Variants in JPH2 observed in about 807,000 individuals in gnomAD.
The protein encoded by JPH2 is junctophilin 2.
Under a neutral mutation model 55.9 loss-of-function variants are expected in JPH2, and 38 were observed. That is an observed-to-expected ratio of 0.68 (90% CI 0.52 to 0.89). The LOEUF is 0.89. Among genes scored for constraint, JPH2 ranks in the 40% least tolerant of loss-of-function variants. JPH2 has a pLI of 0.00. For synonymous variants in JPH2, 480 were observed against 472.4 expected (o/e 1.02, Z -0.21); for missense variants, 964 against 1,037.6 (o/e 0.93, Z 0.97).
intron 1 of JPH2, among the ~76,000 whole-genome samples, chr20:44,178,489 A>C (rs6073360): frequency 0.21 from 32,659 of 152,186 alleles, 4,325 homozygotes; most frequent in African/African-American, 0.37. Context: ...TGGAAGCCTC[A>C]CTGCTAATAA....
chr20:44,113,008 T>C lies in JPH2; in HGVS notation c.*510A>G, dbSNP rs2072157747. On this transcript the variant is annotated 3_prime_UTR_variant, in exon 6 of 6. Transcript: ENST00000372980. Reference sequence around the variant, plus strand: ...GGTGCAGACTGCACAAGGACAGGTCTCTGTGCTGGTCTGAGGGGGTCTCAA... The same window carrying C: ...GGTGCAGACTGCACAAGGACAGGTCCCTGTGCTGGTCTGAGGGGGTCTCAA... 1 of 152,090 alleles carries C rather than the reference T, an allele frequency of 6.6e-6. No individual in the cohort carries two copies. The highest frequency in any genetic ancestry group is 2.1e-4 in the South Asian group (1 of 4,828). 9.4% of individuals were successfully genotyped at this position (152,090 alleles called of 1,614,324 possible).
At chr20:44,165,040 G>A (rs923438412) in intron 1 of JPH2, among the ~76,000 whole-genome samples, 2 of 152,056 alleles carry the variant, frequency 1.3e-5, no homozygotes, top group Non-Finnish European at 2.9e-5. Flanking sequence ...GTTTCATCAT[G>A]TTGGCCAGGC....
chr20:44,130,105 T>A (rs1037117396), intron 2 of JPH2, among the ~76,000 whole-genome samples: 5 of 152,222 alleles, frequency 3.3e-5, no homozygotes, highest in Admixed American at 3.3e-4. Flanking sequence ...TGTGATCTCA[T>A]GTCATCCTCA....
Position 44,114,561 on chromosome 20 carries a change from AGTAAGTGTGTGTGTGTGT to A in JPH2, c.*14+203_*14+220del, listed in dbSNP as rs2072171680. On this transcript the variant is annotated intron_variant, in intron 5 of 5. Transcript: ENST00000372980. ...TGCTCTGCAAACACTAAGCTAATGA[AGTAAGTGTGTGTGTGTGT>A]GTGTGTGTGTGTGTGTGTGTGTGTG... Among the ~76,000 whole-genome samples the A allele has an allele frequency of 2.3e-5, 3 of 132,408 alleles. No individual in the cohort carries two copies. In the South Asian group the frequency reaches 8.1e-4, roughly 36 times the overall value. The allele number at this position is 132,408 out of a possible 152,430, so 86.9% of individuals were successfully genotyped here.
intron 1 of JPH2, among the ~76,000 whole-genome samples, chr20:44,178,460 A>G (rs1315976686): frequency 6.6e-6 from 1 of 152,246 alleles, no homozygotes; most frequent in African/African-American, 2.4e-5. Flanking sequence ...AAATAGGGAT[A>G]TATACCATGT....
chr20:44,142,528 C>T (rs995656316), intron 2 of JPH2, among the ~76,000 whole-genome samples: 7 of 152,174 alleles, frequency 4.6e-5, no homozygotes, highest in African/African-American at 7.2e-5. Flanking sequence ...CTCCCTCTCC[C>T]GGGCAGCTCC....
intron 2 of JPH2, among the ~76,000 whole-genome samples, chr20:44,147,383 T>C (rs1262941474): frequency 6.6e-6 from 1 of 152,222 alleles, no homozygotes; most frequent in African/African-American, 2.4e-5. Context: ...CAATGAATCA[T>C]GGTACCTCCA....
At chr20:44,169,137 A>G (rs1356535587) in intron 1 of JPH2, among the ~76,000 whole-genome samples, 2 of 151,196 alleles carry the variant, frequency 1.3e-5, no homozygotes, top group Non-Finnish European at 2.9e-5. Context: ...TTAATCAAAT[A>G]AACCTTTTTT....
intron 1 of JPH2, chr20:44,177,738 AGTCTT>A (rs1178356116): frequency 7.1e-6 from 10 of 1,404,360 alleles, no homozygotes; most frequent in Non-Finnish European, 9.3e-6. Flanking sequence ...AGCGAATCAA[AGTCTT>A]GTCTTATTTA....
intron 1 of JPH2, among the ~76,000 whole-genome samples, chr20:44,184,868 T>A (rs567162372): frequency 2.6e-5 from 4 of 152,368 alleles, no homozygotes; most frequent in African/African-American, 9.6e-5. Context: ...TAAATTCTCC[T>A]TTCTGCAACA....
chr20:44,127,216 A>C (rs1390126462), intron 2 of JPH2, among the ~76,000 whole-genome samples: 1 of 152,222 alleles, frequency 6.6e-6, no homozygotes, highest in Non-Finnish European at 1.5e-5. Context: ...TAGTTGATGG[A>C]CATTAGGGTG....
At chr20:44,167,614 G>A (rs1344099380) in intron 1 of JPH2, among the ~76,000 whole-genome samples, 3 of 152,122 alleles carry the variant, frequency 2.0e-5, no homozygotes, top group Non-Finnish European at 4.4e-5. Flanking sequence ...TAGGACTCCC[G>A]AAATTAATAA....
intron 2 of JPH2, among the ~76,000 whole-genome samples, chr20:44,134,796 A>G (rs1474616626): frequency 1.0e-5 from 1 of 97,212 alleles, no homozygotes; most frequent in Non-Finnish European, 1.9e-5. Flanking sequence ...ATAAATATAC[A>G]TTTATTATAA....
Position 44,160,165 on chromosome 20 carries a change from C to T in JPH2, c.622G>A (p.Ala208Thr), listed in dbSNP as rs1297871218. 5.6e-6 allele frequency: 8 copies of T among 1,424,992 alleles called. No individual in the cohort carries two copies. Among genetic ancestry groups the T allele is most frequent in the Non-Finnish European group, 7.3e-6 (8 of 1,099,504 alleles). 88.3% of individuals were successfully genotyped at this position (1,424,992 alleles called of 1,614,324 possible). ...GGFALSLLAN[A>T]EAAARAPKGG... is the part of the protein sequence containing the mutation. ...TTGGGCGCCCGCGCGGCCGCCTCGG[C>T]ATTGGCCAGGAGGCTGAGCGCGAAG... Residue 208 changes from alanine to threonine, a missense_variant, in exon 2 of 6, where the codon GCC (alanine) becomes ACC (threonine). Transcript: ENST00000372980. This position sits in a 1 kb window ranked among gnomAD's most constrained non-coding sequence, Gnocchi z 4.9.
chr20:44,159,754 C>T lies in JPH2; in HGVS notation c.1033G>A (p.Val345Met), dbSNP rs748233107. 3 of 1,613,734 alleles carry T rather than the reference C, an allele frequency of 1.9e-6. No individual in the cohort carries two copies. The highest frequency in any genetic ancestry group is 1.1e-5 in the South Asian group (1 of 91,088). The change falls in exon 2 of 6, where the codon GTG becomes ATG. Residue 345 changes from valine to methionine, a missense_variant. Val to Met is a conservative substitution (Grantham distance 21). Transcript: ENST00000372980. This position sits in a 1 kb window ranked among gnomAD's most constrained non-coding sequence, Gnocchi z 5.7. ...CGGCGCTTGGTGTCCTTGACCAGCA[C>T]GTTGTGGCGGTACTTGCCCTCCTCG... ...HREEGKYRHNVLVKDTKRRML... is the reference protein window; with the variant it reads ...HREEGKYRHNMLVKDTKRRML...
Position 44,115,743 on chromosome 20 carries a change from C to G in JPH2, c.1932G>C (p.Gly644=). Residue 644 remains glycine (G), a synonymous_variant, in exon 4 of 6, where the codon GGG becomes GGC. Coordinates refer to ENST00000372980, the MANE Select transcript of JPH2 (RefSeq NM_020433.5). ...RAKARKTEAR[G]LTKAGAKKKA... ...TCTTCTTGGCCCCCGCCTTGGTCAG[C>G]CCTCGAGCCTCAGTCTTGCGGGCCT... 1 of 1,613,404 alleles carries G rather than the reference C, an allele frequency of 6.2e-7. No individual in the cohort carries two copies. Among genetic ancestry groups the G allele is most frequent in the South Asian group, 1.1e-5 (1 of 91,078 alleles).
Position 44,159,791 on chromosome 20 carries a change from G to A in JPH2, c.996C>T (p.Pro332=), listed in dbSNP as rs754651910. The change falls in exon 2 of 6, where the codon CCC becomes CCT. Residue 332 remains proline, a synonymous_variant. Coordinates refer to ENST00000372980, the MANE Select transcript of JPH2 (RefSeq NM_020433.5). The surrounding 1 kb of genome is among the most constrained non-coding windows in gnomAD (Gnocchi z 5.7). ...LRHGYGCTTL[P]DGHREEGKYR... is the part of the protein sequence containing the mutation. ...ACTTGCCCTCCTCGCGGTGGCCGTC[G>A]GGCAGCGTGGTGCAGCCATAGCCGT... The A allele has an allele frequency of 1.5e-5, 25 of 1,613,070 alleles. No individual in the cohort carries two copies. The Admixed American group carries it at 3.3e-4, about 22-fold the overall frequency.
At chr20:44,162,934 C>A (rs2072626196) in intron 1 of JPH2, among the ~76,000 whole-genome samples, 1 of 151,230 alleles carries the variant, frequency 6.6e-6, no homozygotes, top group Non-Finnish European at 1.5e-5. Flanking sequence ...CTCATATACC[C>A]CATAAATATT....
chr20:44,160,554 ATGAGTGTT>A lies in JPH2; in HGVS notation c.380-155_380-148del. 1.2e-6 allele frequency: 1 copy of A among 805,434 alleles called. No homozygotes were observed. Among genetic ancestry groups the A allele is most frequent in the South Asian group, 1.5e-5 (1 of 67,458 alleles). The allele number at this position is 805,434 out of a possible 1,614,324, so 49.9% of individuals were successfully genotyped here. On this transcript the variant is annotated intron_variant, in intron 1 of 5. Transcript: ENST00000372980. The surrounding 1 kb of genome is among the most constrained non-coding windows in gnomAD (Gnocchi z 4.9). ...TCTGAGGGTCAGGGTGCACAGTGCT[ATGAGTGTT>A]TGAGTCTACTCGAGTGTGCAATAAC...
Sources: gnomAD v4.1 joint callset for allele counts (sites outside exome capture counted in the v4.1 genomes callset) on GRCh38, gnomAD v4.1.1 for gene constraint, Gnocchi (gnomAD v3.1) non-coding constraint, MANE v1.5 for transcripts, NCBI Gene and HGNC (gene_info 2026-07-23, HGNC 2026-07-21) for gene names.